The following CLSTN2 variants were observed in gnomAD, a reference collection of about 807,000 sequenced individuals.
CLSTN2 encodes the protein calsyntenin-2.
Under a neutral mutation model 101.2 loss-of-function variants are expected in CLSTN2, and 48 were observed. That is an observed-to-expected ratio of 0.47 (90% CI 0.38 to 0.60). The LOEUF (loss-of-function observed/expected upper bound fraction) is 0.60, where lower values mean the gene tolerates loss of function less well. Ranked by LOEUF, CLSTN2 falls within the 20% of genes least tolerant of loss-of-function variation. The pLI, the probability that CLSTN2 is intolerant of heterozygous loss-of-function variation, is 0.00. For missense variants in CLSTN2, 1,160 were observed against 1,238.2 expected, an observed-to-expected ratio of 0.94 and a Z score of 0.95; for synonymous variants, 481 against 463.6, an observed-to-expected ratio of 1.04 and a Z score of -0.48.
intron 2 of CLSTN2, among the ~76,000 whole-genome samples, chr3:140,378,812 G>A (rs986158037): frequency 4.6e-5 from 7 of 152,162 alleles, no homozygotes; most frequent in African/African-American, 1.7e-4. Flanking sequence ...GGTAAAAATA[G>A]CTAGCTCTCA....
intron 8 of CLSTN2, chr3:140,508,161 T>C (rs1250671003): frequency 6.6e-6 from 1 of 152,218 alleles, no homozygotes; most frequent in Non-Finnish European, 1.5e-5. Context: ...CCTCCTTCCT[T>C]CTCCCCATGG....
chr3:140,168,994 T>C (rs2010174490), intron 1 of CLSTN2, among the ~76,000 whole-genome samples: 1 of 152,126 alleles, frequency 6.6e-6, no homozygotes, highest in Non-Finnish European at 1.5e-5. Context: ...TTCATTTATA[T>C]GTACATCTTA....
At chr3:140,027,526 A>T (rs987801395) in intron 1 of CLSTN2, among the ~76,000 whole-genome samples, 1 of 152,146 alleles carries the variant, frequency 6.6e-6, no homozygotes, top group African/African-American at 2.4e-5. Flanking sequence ...ATTGGAGAAT[A>T]CATTTCTTTT....
In CLSTN2 at chr3:140,404,674, A is replaced by T; in HGVS notation, c.545A>T (p.Glu182Val). The change falls in exon 4 of 17, where the codon GAG becomes GTG. Residue 182 changes from glutamate to valine, a missense_variant. Physicochemically the swap from Glu to Val is moderately radical, Grantham distance 121 (BLOSUM62 -2). Coordinates refer to ENST00000458420, the MANE Select transcript of CLSTN2 (RefSeq NM_022131.3). Reference sequence around the variant, plus strand: ...ATCTATGACAGCATTCTGCAGGTGGAGGCCATTGACGAGGACTGCTCCCCA... The same window carrying T: ...ATCTATGACAGCATTCTGCAGGTGGTGGCCATTGACGAGGACTGCTCCCCA... ...GKIYDSILQVEAIDEDCSPQY... is the reference protein window; with the variant it reads ...GKIYDSILQVVAIDEDCSPQY... 6.2e-7 allele frequency: 1 copy of T among 1,614,192 alleles called. No homozygotes were observed. Among genetic ancestry groups the T allele is most frequent in the Admixed American group, 1.7e-5 (1 of 60,024 alleles).
At chr3:140,529,177 C>T (rs967333324) in intron 8 of CLSTN2, among the ~76,000 whole-genome samples, 2 of 152,200 alleles carry the variant, frequency 1.3e-5, no homozygotes, top group Admixed American at 1.3e-4. Context: ...ACTGAAATTC[C>T]AGCACACTCC....
chr3:140,559,061 G>A (rs7629162), intron 12 of CLSTN2, among the ~76,000 whole-genome samples: 25,657 of 151,866 alleles, frequency 0.17, 3,739 homozygotes, highest in African/African-American at 0.4. Context: ...TAGCAATGAG[G>A]GATATGAGGT....
chr3:140,081,422 T>G (rs1186223372), intron 1 of CLSTN2, among the ~76,000 whole-genome samples: 5 of 152,208 alleles, frequency 3.3e-5, no homozygotes, highest in Non-Finnish European at 7.3e-5. Flanking sequence ...GTTAAACACT[T>G]GAAAGGGATA....
At chr3:140,309,477 G>A (rs1273366409) in intron 2 of CLSTN2, among the ~76,000 whole-genome samples, 8 of 152,132 alleles carry the variant, frequency 5.3e-5, no homozygotes, top group Non-Finnish European at 2.9e-5. Context: ...GAGGCTTCTG[G>A]GAGTGTAGGA....
At chr3:140,196,385 G>T (rs761966079) in intron 2 of CLSTN2, among the ~76,000 whole-genome samples, 5 of 152,216 alleles carry the variant, frequency 3.3e-5, no homozygotes, top group Non-Finnish European at 5.9e-5. Flanking sequence ...TTCCTGGGCA[G>T]GTTCTGGAAA....
At chr3:139,940,608 G>A (rs1205784879) in intron 1 of CLSTN2, among the ~76,000 whole-genome samples, 3 of 151,740 alleles carry the variant, frequency 2.0e-5, no homozygotes, top group East Asian at 1.9e-4. Flanking sequence ...ACTGTTATCC[G>A]TTCCTCTGTT....
chr3:140,005,819 C>T (rs1444230294), intron 1 of CLSTN2, among the ~76,000 whole-genome samples: 1 of 152,168 alleles, frequency 6.6e-6, no homozygotes, highest in East Asian at 1.9e-4. Context: ...GGACTTGGGC[C>T]AATGCCATCA....
chr3:140,203,194 C>T (rs1418484156), intron 2 of CLSTN2, among the ~76,000 whole-genome samples: 1 of 152,124 alleles, frequency 6.6e-6, no homozygotes, highest in Non-Finnish European at 1.5e-5. Context: ...AGGGAGTGAT[C>T]AAGTGCTGCT....
At chr3:140,168,225 G>A (rs2010162474) in intron 1 of CLSTN2, among the ~76,000 whole-genome samples, 1 of 152,082 alleles carries the variant, frequency 6.6e-6, no homozygotes, top group African/African-American at 2.4e-5. Flanking sequence ...CATTCAACTG[G>A]TGTTGTGGTG....
At chr3:140,256,789 A>G (rs1005771389) in intron 2 of CLSTN2, among the ~76,000 whole-genome samples, 1 of 152,226 alleles carries the variant, frequency 6.6e-6, no homozygotes, top group Non-Finnish European at 1.5e-5. Flanking sequence ...ATCATTAACT[A>G]AAATATCATC....
intron 1 of CLSTN2, among the ~76,000 whole-genome samples, chr3:140,039,505 T>C: frequency 6.6e-6 from 1 of 152,238 alleles, no homozygotes; most frequent in East Asian, 1.9e-4. Context: ...GTGCTATTTA[T>C]ACTAACAATA....
At chr3:139,936,346 G>T (rs1417308023) in intron 1 of CLSTN2, among the ~76,000 whole-genome samples, 1 of 152,186 alleles carries the variant, frequency 6.6e-6, no homozygotes, top group Admixed American at 6.5e-5. Context: ...GGCGAGGGAA[G>T]AGCAGAGCTG....
chr3:140,060,465 T>C (rs748765899), intron 1 of CLSTN2, among the ~76,000 whole-genome samples: 11 of 152,192 alleles, frequency 7.2e-5, no homozygotes, highest in Admixed American at 2.6e-4. Flanking sequence ...AGGGTGGGCT[T>C]GACTTTCCCA....
intron 2 of CLSTN2, among the ~76,000 whole-genome samples, chr3:140,350,442 G>A (rs2107942333): frequency 6.6e-6 from 1 of 152,304 alleles, no homozygotes; most frequent in East Asian, 1.9e-4. Context: ...TAATGAAGAA[G>A]ATGGGATGTG....
chr3:140,241,700 C>T (rs75992567), intron 2 of CLSTN2, among the ~76,000 whole-genome samples: 2,771 of 151,600 alleles, frequency 0.018, 83 homozygotes, highest in African/African-American at 0.064. Context: ...AAATGGAGTC[C>T]TTGGAGTGTT....
Sources: gnomAD v4.1 joint callset for allele counts (sites outside exome capture counted in the v4.1 genomes callset) on GRCh38, gnomAD v4.1.1 for gene constraint, MANE v1.5 for transcripts, NCBI Gene and HGNC (gene_info 2026-07-23, HGNC 2026-07-21) for gene names.